KCTD16: variants seen among roughly 807,000 people sequenced by gnomAD.
KCTD16 encodes the protein BTB/POZ domain-containing protein KCTD16.
Under a neutral mutation model 33.2 loss-of-function variants are expected in KCTD16, and 13 were observed. That is an observed-to-expected ratio of 0.39 (90% CI 0.25 to 0.62). KCTD16 has a LOEUF of 0.62. KCTD16 is among the 20% of genes least tolerant of loss of function. The pLI, the probability that KCTD16 is intolerant of heterozygous loss-of-function variation, is 0.50. For missense variants in KCTD16, 441 were observed against 525.1 expected (o/e 0.84, Z 1.57); for synonymous variants, 197 against 195.3 (o/e 1.01, Z -0.07).
intron 3 of KCTD16, among the ~76,000 whole-genome samples, chr5:144,240,956 A>G: frequency 6.6e-6 from 1 of 152,140 alleles, no homozygotes; most frequent in East Asian, 1.9e-4. Context: ...TACAAGAAGT[A>G]TATCTCTGAA....
chr5:144,220,595 CACTT>C (rs1753716285), intron 3 of KCTD16, among the ~76,000 whole-genome samples: 1 of 151,942 alleles, frequency 6.6e-6, no homozygotes, highest in African/African-American at 2.4e-5. Flanking sequence ...TATACATACA[CACTT>C]ACTATATACA....
intron 3 of KCTD16, among the ~76,000 whole-genome samples, chr5:144,440,634 C>T (rs1301825116): frequency 6.6e-6 from 1 of 151,616 alleles, no homozygotes; most frequent in Admixed American, 6.6e-5. Context: ...GAGTTCAAGA[C>T]CAGCTTGGGC....
intron 3 of KCTD16, among the ~76,000 whole-genome samples, chr5:144,354,554 A>G (rs1193527316): frequency 1.3e-5 from 2 of 152,236 alleles, no homozygotes; most frequent in Non-Finnish European, 2.9e-5. Flanking sequence ...ATTATCTGCC[A>G]TAAAGAAACA....
At chr5:144,171,978 A>G (rs1477570232) in intron 1 of KCTD16, among the ~76,000 whole-genome samples, 1 of 152,220 alleles carries the variant, frequency 6.6e-6, no homozygotes, top group East Asian at 1.9e-4. Context: ...GTTTATAGCA[A>G]TAAAATTTAT....
In KCTD16 at chr5:144,178,727, C is replaced by T. The variant is rs918922614; in HGVS notation, c.-327+4255C>T. Among the ~76,000 whole-genome samples the T allele has an allele frequency of 1.4e-4, 21 of 152,206 alleles. 1 individual carries two copies. Among genetic ancestry groups the T allele is most frequent in the Admixed American group, 1.2e-3 (19 of 15,282 alleles). On this transcript the variant is annotated intron_variant, in intron 2 of 3. Transcript: ENST00000512467. The stretch of plus-strand genomic sequence containing the variant: ...ACATCATTTAAAATATTATTTGATT[C>T]TAGATTTATAAATGTCATTTCTTTT...
At chr5:144,320,544 A>G (rs981486340) in intron 3 of KCTD16, among the ~76,000 whole-genome samples, 2 of 152,134 alleles carry the variant, frequency 1.3e-5, no homozygotes, top group Admixed American at 6.6e-5. Context: ...GGCATATAAA[A>G]CTTGTGATTT....
chr5:144,361,451 T>G (rs1197335342), intron 3 of KCTD16, among the ~76,000 whole-genome samples: 1 of 152,188 alleles, frequency 6.6e-6, no homozygotes, highest in African/African-American at 2.4e-5. Flanking sequence ...GGTCCTGGTT[T>G]GAATGATAAG....
chr5:144,277,808 G>A (rs1755479131), intron 3 of KCTD16, among the ~76,000 whole-genome samples: 1 of 151,892 alleles, frequency 6.6e-6, no homozygotes, highest in South Asian at 2.1e-4. Context: ...GTACTTCTTT[G>A]CCATATGTAT....
rs575626573 is a variant in KCTD16, at chr5:144,483,699, A to G, written c.*9585A>G. On this transcript the variant is annotated 3_prime_UTR_variant, in exon 4 of 4. Transcript: ENST00000512467. ...GGAATGTGAAAAATATTTAAAGTCA[A>G]CCTATGCAAACAGAGATTCCCTGCT... 6.6e-6 allele frequency: 1 copy of G among 151,930 alleles called. No homozygotes were observed. 9.4% of individuals were successfully genotyped at this position (151,930 alleles called of 1,614,324 possible).
intron 3 of KCTD16, among the ~76,000 whole-genome samples, chr5:144,328,900 C>G (rs1043208273): frequency 1.3e-5 from 2 of 150,014 alleles, no homozygotes; most frequent in African/African-American, 4.9e-5. Flanking sequence ...TTCTTATTGC[C>G]TGATTCATTG....
intron 3 of KCTD16, among the ~76,000 whole-genome samples, chr5:144,418,242 G>A (rs1015245980): frequency 6.6e-6 from 1 of 152,158 alleles, no homozygotes; most frequent in Non-Finnish European, 1.5e-5. Flanking sequence ...AAGAGCAAAA[G>A]AACAAGGCTT....
At chr5:144,203,437 G>T (rs1249988081) in intron 2 of KCTD16, among the ~76,000 whole-genome samples, 2 of 152,078 alleles carry the variant, frequency 1.3e-5, no homozygotes, top group Non-Finnish European at 2.9e-5. Context: ...AATGAGGATG[G>T]TTATCCTGAA....
chr5:144,393,578 T>C (rs1235439263), intron 3 of KCTD16, among the ~76,000 whole-genome samples: 2 of 152,060 alleles, frequency 1.3e-5, no homozygotes, highest in African/African-American at 4.8e-5. Flanking sequence ...TGTGAGTGTG[T>C]GTGTGTGTAT....
rs141117050 is a variant in KCTD16 at position 144,290,937 on chromosome 5, C to A, written c.832+83391C>A. Among the ~76,000 whole-genome samples, 186 of 152,202 alleles carry A rather than the reference C, an allele frequency of 1.2e-3. 1 individual carries two copies. Among genetic ancestry groups the A allele is most frequent in the Middle Eastern group, 6.8e-3 (2 of 294 alleles). On this transcript the variant is annotated intron_variant, in intron 3 of 3. Coordinates refer to ENST00000512467, the MANE Select transcript of KCTD16 (RefSeq NM_020768.4). ...AGATAATTTATTAACTTATTTATAACCTTCTTGGTTCAAAAGTATTTTAAT... is the reference window on the plus strand; with the variant it reads ...AGATAATTTATTAACTTATTTATAAACTTCTTGGTTCAAAAGTATTTTAAT...
intron 2 of KCTD16, among the ~76,000 whole-genome samples, chr5:144,194,257 G>A (rs1052095107): frequency 3.3e-5 from 5 of 152,204 alleles, no homozygotes; most frequent in Non-Finnish European, 7.3e-5. Flanking sequence ...AACAAGCTCT[G>A]GAGCTTATGG....
intron 3 of KCTD16, among the ~76,000 whole-genome samples, chr5:144,350,690 T>A (rs1029199312): frequency 5.3e-5 from 8 of 152,098 alleles, no homozygotes; most frequent in Non-Finnish European, 1.0e-4. Context: ...AAAAGAAAAC[T>A]TTTTTTCGCA....
At chr5:144,355,979 T>G (rs1354787660) in intron 3 of KCTD16, among the ~76,000 whole-genome samples, 1 of 152,182 alleles carries the variant, frequency 6.6e-6, no homozygotes, top group Non-Finnish European at 1.5e-5. Flanking sequence ...TTTTAGCCCT[T>G]GTTGACCTCC....
chr5:144,224,296 C>T, intron 3 of KCTD16, among the ~76,000 whole-genome samples: 1 of 149,064 alleles, frequency 6.7e-6, no homozygotes, highest in South Asian at 2.1e-4. Flanking sequence ...ACTTTAAATG[C>T]TTTGTACCTA....
At chr5:144,280,689 C>T (rs2126854371) in intron 3 of KCTD16, among the ~76,000 whole-genome samples, 1 of 152,312 alleles carries the variant, frequency 6.6e-6, no homozygotes, top group East Asian at 1.9e-4. Context: ...CTTCGGGAGG[C>T]CAAGGCGGGC....
Sources: allele counts gnomAD v4.1 joint callset (sites outside exome capture counted in the v4.1 genomes callset), GRCh38; gene constraint gnomAD v4.1.1; transcripts MANE v1.5; gene names NCBI Gene and HGNC (gene_info 2026-07-23, HGNC 2026-07-21).